The following PCGF2 variants were observed in gnomAD, a reference collection of about 807,000 sequenced individuals.
PCGF2 encodes the protein polycomb group RING finger protein 2.
Under a neutral mutation model 36.1 loss-of-function variants are expected in PCGF2, and 8 were observed. The ratio of observed to expected loss-of-function variants is 0.22; its 90% CI spans 0.13 to 0.40. PCGF2 has a LOEUF of 0.40. Ranked by LOEUF, PCGF2 falls within the 10% of genes least tolerant of loss-of-function variation. PCGF2 has a pLI of 1.00. For synonymous variants in PCGF2, 198 were observed against 191.2 expected (o/e 1.04, Z -0.29); for missense variants, 436 against 475.9 (o/e 0.92, Z 0.78).
intron 9 of PCGF2, among the ~76,000 whole-genome samples, chr17:38,736,726 C>A (rs528777816): frequency 1.3e-5 from 2 of 152,008 alleles, no homozygotes; most frequent in South Asian, 4.2e-4. Context: ...CCCAGCTACT[C>A]GGGAGGCTGA....
chr17:38,734,181 G>A lies in PCGF2; in HGVS notation c.*1042C>T, dbSNP rs982034403. The A allele has an allele frequency of 6.6e-6, 1 of 152,484 alleles. No individual in the cohort carries two copies. The highest frequency in any genetic ancestry group is 2.4e-5 in the African/African-American group (1 of 41,400). The allele number at this position is 152,484 out of a possible 1,614,324, so 9.4% of individuals were successfully genotyped here. On this transcript the variant is annotated 3_prime_UTR_variant, in exon 11 of 11. Coordinates refer to ENST00000620225, the MANE Select transcript of PCGF2 (RefSeq NM_007144.3). ...CTCTCAAGGGGTGGGGGTGGGGTCA[G>A]AGCTTACAGGTTTCTGTCTTCTTGT...
chr17:38,742,931 C>A (rs1484262099), intron 2 of PCGF2, among the ~76,000 whole-genome samples: 2 of 152,166 alleles, frequency 1.3e-5, no homozygotes, highest in Non-Finnish European at 2.9e-5. Context: ...TGCCTGGGGT[C>A]TCTGTTGCTG....
chr17:38,734,370 C>T lies in PCGF2; in HGVS notation c.*853G>A, dbSNP rs111988561. ...CTAGGCCCCAGGTGAGACTCCACCA[C>T]CAGTCCTGCTAGTGAGGGTTCCCCG... On this transcript the variant is annotated 3_prime_UTR_variant, in exon 11 of 11. Transcript: ENST00000620225. 2,018 of 152,642 alleles carry T rather than the reference C, an allele frequency of 0.013. 41 individuals carry two copies. Among genetic ancestry groups the T allele is most frequent in the African/African-American group, 0.046 (1,912 of 41,506 alleles). The allele number at this position is 152,642 out of a possible 1,614,324, so 9.5% of individuals were successfully genotyped here. A position where few individuals can be genotyped will look rare whatever the true frequency, so the allele number is the denominator to read the frequency against.
chr17:38,745,604 G>A (rs1907485769), intron 2 of PCGF2, among the ~76,000 whole-genome samples: 1 of 152,246 alleles, frequency 6.6e-6, no homozygotes, highest in Admixed American at 6.5e-5. Context: ...ACAAAGCAAA[G>A]CAGTGGCAGT....
At chr17:38,749,748 C>G, upstream of PCGF2, 1 of 454,186 alleles carries the variant, frequency 2.2e-6, no homozygotes, top group Non-Finnish European at 4.4e-6. This position sits in a 1 kb window ranked among gnomAD's most constrained non-coding sequence, Gnocchi z 6.5. Flanking sequence ...ATGCTTTCGC[C>G]CTCTGGCCGG....
chr17:38,741,758 G>A (rs1187311056), intron 2 of PCGF2, among the ~76,000 whole-genome samples: 1 of 152,126 alleles, frequency 6.6e-6, no homozygotes, highest in South Asian at 2.1e-4. Flanking sequence ...AGTTGGGAAC[G>A]TGCAGCTCCA....
At chr17:38,747,189 G>A (rs1452451097) in intron 2 of PCGF2, among the ~76,000 whole-genome samples, 13 of 152,290 alleles carry the variant, frequency 8.5e-5, no homozygotes, top group Non-Finnish European at 7.4e-5. Flanking sequence ...TGGGCAGACA[G>A]GGGCAGTGGG....
intron 2 of PCGF2, among the ~76,000 whole-genome samples, chr17:38,745,671 G>A (rs1056453654): frequency 1.3e-5 from 2 of 152,208 alleles, no homozygotes; most frequent in African/African-American, 4.8e-5. Flanking sequence ...CCTGGCACCT[G>A]GCCAGGCTCC....
At chr17:38,745,212 G>C (rs1329407144) in intron 2 of PCGF2, among the ~76,000 whole-genome samples, 1 of 152,220 alleles carries the variant, frequency 6.6e-6, no homozygotes, top group Non-Finnish European at 1.5e-5. Flanking sequence ...CGCGCCTCTA[G>C]TCCCAGCTAC....
Position 38,745,757 on chromosome 17 carries a change from G to A in PCGF2, c.-41+2122C>T, listed in dbSNP as rs976275616. On this transcript the variant is annotated intron_variant, in intron 2 of 10. Coordinates refer to ENST00000620225, the MANE Select transcript of PCGF2 (RefSeq NM_007144.3). ...GAAAAGAGCAGCTCCCTGGAGTGGC[G>A]GGAAAACCACTCAGTGGGCCGCCGT... Among the ~76,000 whole-genome samples the A allele has an allele frequency of 3.9e-5, 6 of 152,278 alleles. No individual in the cohort carries two copies. In the South Asian group the frequency reaches 6.2e-4, roughly 16 times the overall value.
rs546375871 is a variant in PCGF2 at position 38,737,696 on chromosome 17, G to A, written c.576+657C>T. ...GGGAGGCCAAGGTGGGGTGGATCAC[G>A]AGGTCAGGAGTTTAAGACCAGCCTG... is the stretch of plus-strand genomic sequence containing the variant. On this transcript the variant is annotated intron_variant, in intron 9 of 10. Coordinates refer to ENST00000620225, the MANE Select transcript of PCGF2 (RefSeq NM_007144.3). Among the ~76,000 whole-genome samples, 141 of 151,718 alleles carry A rather than the reference G, an allele frequency of 9.3e-4. 1 individual carries two copies. Among genetic ancestry groups the A allele is most frequent in the Admixed American group, 7.3e-3 (111 of 15,228 alleles).
chr17:38,737,469 A>G (rs974720949), intron 9 of PCGF2, among the ~76,000 whole-genome samples: 4 of 152,114 alleles, frequency 2.6e-5, no homozygotes, highest in African/African-American at 9.7e-5. Flanking sequence ...AAAAGCAAAA[A>G]CAAAAAATCA....
chr17:38,743,070 G>T (rs1173009482), intron 2 of PCGF2, among the ~76,000 whole-genome samples: 1 of 149,582 alleles, frequency 6.7e-6, no homozygotes, highest in East Asian at 2.0e-4. Context: ...CACACTCGCT[G>T]TGTTTTCAAA....
intron 2 of PCGF2, among the ~76,000 whole-genome samples, chr17:38,745,498 A>T (rs2143148905): frequency 6.6e-6 from 1 of 152,324 alleles, no homozygotes; most frequent in South Asian, 2.1e-4. Flanking sequence ...GAGTGAAAGA[A>T]ACTCCATCTC....
At position 38,734,946 on chromosome 17, in the gene PCGF2, A is replaced by AG. The variant is rs1906560081; in HGVS notation, c.*276_*277insC. ...CCCCAAAAACAGCAAATTACACAAG[A>AG]CCCCCCCCAAAAAAAATGAACACCA... is the stretch of plus-strand genomic sequence containing the variant. On this transcript the variant is annotated 3_prime_UTR_variant, in exon 11 of 11. Transcript: ENST00000620225. 1 of 250,966 alleles carries AG rather than the reference A, an allele frequency of 4.0e-6. No individual in the cohort carries two copies. 15.5% of individuals were successfully genotyped at this position (250,966 alleles called of 1,614,324 possible). A position where few individuals can be genotyped will look rare whatever the true frequency, so the allele number is the denominator to read the frequency against.
At chr17:38,740,791 C>T (rs74252429) in intron 2 of PCGF2, among the ~76,000 whole-genome samples, 2,831 of 151,890 alleles carry the variant, frequency 0.019, 75 homozygotes, top group East Asian at 0.1. Flanking sequence ...CCCAGAGCCT[C>T]GGCAGCCCCT....
At chr17:38,742,293 C>T (rs1038753586) in intron 2 of PCGF2, among the ~76,000 whole-genome samples, 1 of 152,208 alleles carries the variant, frequency 6.6e-6, no homozygotes. Flanking sequence ...ACACCCTTCT[C>T]TCCTTTCCAG....
chr17:38,738,504 G>A, intron 8 of PCGF2, 37 bp downstream of exon 8: 1 of 1,612,600 alleles, frequency 6.2e-7, no homozygotes, highest in African/African-American at 1.3e-5. Flanking sequence ...CTCCCTCCCA[G>A]CCCACATTCC....
In PCGF2 at chr17:38,738,857, G is replaced by C. The variant is rs965324493; in HGVS notation, c.321C>G (p.Pro107=). The change falls in exon 7 of 11, where the codon CCC becomes CCG. Residue 107 remains proline, a synonymous_variant. Coordinates refer to ENST00000620225, the MANE Select transcript of PCGF2 (RefSeq NM_007144.3). ...FYAAYPLTEV[P]NGSNEDRGEV... The stretch of plus-strand genomic sequence containing the variant: ...CGCCGCGGTCCTCATTGGAGCCGTT[G>C]GGGACTGCAGAAGGAAAGAGCTCTC... 5.0e-6 allele frequency: 8 copies of C among 1,613,036 alleles called. No individual in the cohort carries two copies. Among genetic ancestry groups the C allele is most frequent in the South Asian group, 1.1e-5 (1 of 91,056 alleles).
Sources: allele counts gnomAD v4.1 joint callset (sites outside exome capture counted in the v4.1 genomes callset), GRCh38; gene constraint gnomAD v4.1.1; non-coding constraint Gnocchi (gnomAD v3.1); transcripts MANE v1.5; gene names NCBI Gene and HGNC (gene_info 2026-07-23, HGNC 2026-07-21).